Variants in LRRC7 observed in about 807,000 individuals in gnomAD.
The protein encoded by LRRC7 is leucine-rich repeat-containing protein 7.
A neutral mutation model predicts 175.7 loss-of-function variants in LRRC7; 23 were observed. That is an observed-to-expected ratio of 0.13 (90% confidence interval 0.09 to 0.19). LRRC7 has a LOEUF of 0.19. LRRC7 is among the 10% of genes least tolerant of loss of function. LRRC7 has a pLI of 1.00. For synonymous variants in LRRC7, 685 were observed against 680.9 expected (o/e 1.01, Z -0.09); for missense variants, 1,354 against 1,904.7 (o/e 0.71, Z 5.38).
At chr1:69,594,491 C>T (rs1646762097) in intron 1 of LRRC7, among the ~76,000 whole-genome samples, 1 of 152,172 alleles carries the variant, frequency 6.6e-6, no homozygotes, top group Non-Finnish European at 1.5e-5. Flanking sequence ...TTGATGCTAA[C>T]AATTCTGTTA....
At chr1:69,783,942 A>G (rs577263694) in intron 3 of LRRC7, among the ~76,000 whole-genome samples, 2 of 152,268 alleles carry the variant, frequency 1.3e-5, no homozygotes, top group Non-Finnish European at 2.9e-5. Context: ...TAGCAGATGT[A>G]TATTAGAATA....
At chr1:69,758,281 C>T (rs974080748) in intron 2 of LRRC7, among the ~76,000 whole-genome samples, 18 of 151,990 alleles carry the variant, frequency 1.2e-4, no homozygotes, top group African/African-American at 3.6e-4. Context: ...GTTGGAGAGA[C>T]AGAAAGTAAT....
intron 24 of LRRC7, among the ~76,000 whole-genome samples, chr1:70,084,412 A>G (rs1164458999): frequency 2.6e-5 from 4 of 152,186 alleles, no homozygotes. Context: ...GGATCATACA[A>G]TACATGTATT....
chr1:69,889,823 TAGAGAA>T (rs1645778787), intron 7 of LRRC7, among the ~76,000 whole-genome samples: 2 of 149,688 alleles, frequency 1.3e-5, no homozygotes, highest in African/African-American at 5.0e-5. Flanking sequence ...AGTAAGGAGA[TAGAGAA>T]GAAGAAGGAG....
chr1:70,043,913 A>G (rs199900616), intron 21 of LRRC7, 41 bp from the exon 22 acceptor site: 117 of 1,556,488 alleles, frequency 7.5e-5, no homozygotes, highest in Non-Finnish European at 9.3e-5. Context: ...TTTGTTGAGC[A>G]TGTGTTCACA....
At chr1:69,583,026 G>A (rs1646261314) in intron 1 of LRRC7, among the ~76,000 whole-genome samples, 1 of 151,794 alleles carries the variant, frequency 6.6e-6, no homozygotes, top group African/African-American at 2.4e-5. Flanking sequence ...AAACAAATCA[G>A]TTTTAGTTTG....
chr1:69,822,768 A>G (rs935179273), intron 4 of LRRC7, among the ~76,000 whole-genome samples: 1 of 152,180 alleles, frequency 6.6e-6, no homozygotes, highest in African/African-American at 2.4e-5. Flanking sequence ...ACTATCTTCA[A>G]TGAGTCTACT....
At chr1:69,834,455 A>C (rs2101325353) in intron 5 of LRRC7, among the ~76,000 whole-genome samples, 1 of 152,278 alleles carries the variant, frequency 6.6e-6, no homozygotes, top group African/African-American at 2.4e-5. Flanking sequence ...CAAGCCAAAC[A>C]ACTTGAGATT....
Position 70,123,741 on chromosome 1 carries a change from G to T in LRRC7, c.*1854G>T, listed in dbSNP as rs1249242512. On this transcript the variant is annotated 3_prime_UTR_variant, in exon 27 of 27. Transcript: ENST00000651989. ...TGTCTTTCAGAGACTAATTTTCTTT[G>T]TTGAAAACTCATGTCAAGCCACCAT... Among the ~76,000 whole-genome samples, 1 of 152,036 alleles carries T rather than the reference G, an allele frequency of 6.6e-6. No homozygotes were observed. The highest frequency in any genetic ancestry group is 2.4e-5 in the African/African-American group (1 of 41,404).
chr1:69,718,453 T>A (rs1665986952), intron 2 of LRRC7, among the ~76,000 whole-genome samples: 1 of 151,876 alleles, frequency 6.6e-6, no homozygotes, highest in Admixed American at 6.6e-5. Context: ...TAACTGTAGC[T>A]TGGAACATAA....
chr1:69,767,940 GA>G (rs906866150), intron 3 of LRRC7, among the ~76,000 whole-genome samples: 3 of 149,870 alleles, frequency 2.0e-5, no homozygotes, highest in Admixed American at 6.7e-5. Flanking sequence ...CTAGGTGAGG[GA>G]AAAAAAAACA....
intron 1 of LRRC7, among the ~76,000 whole-genome samples, chr1:69,583,512 G>A (rs1037721796): frequency 6.6e-6 from 1 of 152,056 alleles, no homozygotes; most frequent in Non-Finnish European, 1.5e-5. Context: ...CTTTTATCCA[G>A]TAAAATATTA....
chr1:69,625,723 A>G (rs1440448632), intron 1 of LRRC7, among the ~76,000 whole-genome samples: 1 of 152,124 alleles, frequency 6.6e-6, no homozygotes, highest in Non-Finnish European at 1.5e-5. Flanking sequence ...TTTCAAAAAT[A>G]TGTTTTAATT....
chr1:70,051,876 G>A (rs1660771918), intron 22 of LRRC7, among the ~76,000 whole-genome samples: 1 of 151,934 alleles, frequency 6.6e-6, no homozygotes, highest in Non-Finnish European at 1.5e-5. Context: ...TTGTTTTTCA[G>A]AAGAGAACAA....
intron 7 of LRRC7, among the ~76,000 whole-genome samples, chr1:69,907,595 A>C (rs983251822): frequency 6.6e-6 from 1 of 152,222 alleles, no homozygotes; most frequent in Admixed American, 6.5e-5. Context: ...CCAGCCTTGC[A>C]TCCCAGGGAT....
chr1:69,922,771 C>T lies in LRRC7; in HGVS notation c.648-8736C>T, dbSNP rs1038548860. On this transcript the variant is annotated intron_variant, in intron 7 of 26. Transcript: ENST00000651989. ...TTGTCGCAATTGGTCATAGCATCCA[C>T]CTCGAAATACTATTCTTTTTTTTAA... 7.2e-5 allele frequency among the ~76,000 whole-genome samples: 11 copies of T among 152,002 alleles called. No individual in the cohort carries two copies. In the East Asian group the frequency reaches 1.7e-3, roughly 24 times the overall value.
chr1:70,076,239 C>A lies in LRRC7; in HGVS notation c.4393C>A (p.Pro1465Thr), dbSNP rs749849077. ...PSSQATRGPQ[P>T]GRCLIQTKGQ... ...TTCACAGGCCACCCGGGGACCTCAG[C>A]CTGGACGGTGCTTAATTCAAACTAA... The change falls in exon 24 of 27, where the codon CCT becomes ACT. Residue 1465 changes from proline to threonine, a missense_variant. Coordinates refer to ENST00000651989, the MANE Select transcript of LRRC7 (RefSeq NM_001370785.2). The A allele has an allele frequency of 6.2e-7, 1 of 1,613,924 alleles. No individual in the cohort carries two copies. The highest frequency in any genetic ancestry group is 8.5e-7 in the Non-Finnish European group (1 of 1,179,982).
At chr1:69,886,294 G>C (rs1264740983) in intron 7 of LRRC7, among the ~76,000 whole-genome samples, 2 of 151,480 alleles carry the variant, frequency 1.3e-5, no homozygotes, top group African/African-American at 4.9e-5. Context: ...TACGAATCTG[G>C]GTGCTCCTGT....
intron 7 of LRRC7, among the ~76,000 whole-genome samples, chr1:69,928,675 G>T (rs905260495): frequency 6.6e-6 from 1 of 152,298 alleles, no homozygotes; most frequent in African/African-American, 2.4e-5. Flanking sequence ...GCAGTATTAG[G>T]GTGGGAGTGA....
Sources: allele counts gnomAD v4.1 joint callset (sites outside exome capture counted in the v4.1 genomes callset), GRCh38; gene constraint gnomAD v4.1.1; transcripts MANE v1.5; gene names NCBI Gene and HGNC (gene_info 2026-07-23, HGNC 2026-07-21).